The following CD300LG variants were observed in gnomAD, a reference collection of about 807,000 sequenced individuals.
CD300LG encodes the protein CD300 molecule like family member g.
In CD300LG, 29 loss-of-function variants were observed where a neutral mutation model predicts 31.5. That is an observed-to-expected ratio of 0.92 (90% confidence interval 0.68 to 1.25). CD300LG has a LOEUF of 1.25. Ranked by LOEUF, CD300LG falls within the 50% of genes most tolerant of loss-of-function variation. The pLI is 0.00. For synonymous variants in CD300LG, 175 were observed against 177.2 expected (o/e 0.99, Z 0.10); for missense variants, 396 against 417.6 (o/e 0.95, Z 0.45).
intron 4 of CD300LG, 41 bp from the exon 5 acceptor site, chr17:43,855,166 A>G: frequency 6.4e-6 from 9 of 1,407,574 alleles, no homozygotes; most frequent in Non-Finnish European, 8.7e-6. Flanking sequence ...ACTCTGGCTT[A>G]TCTGGTAACA....
Position 43,853,824 on chromosome 17 carries a change from C to G in CD300LG, c.499C>G (p.Pro167Ala). The G allele has an allele frequency of 6.2e-7, 1 of 1,613,846 alleles. No homozygotes were observed. The highest frequency in any genetic ancestry group is 8.5e-7 in the Non-Finnish European group (1 of 1,179,858). Residue 167 changes from proline to alanine, a missense_variant, in exon 4 of 7, where the codon CCG becomes GCG. Physicochemically the swap from Pro to Ala is conservative, Grantham distance 27. Transcript: ENST00000317310. The part of the protein sequence containing the change: ...PPGLTSPGLY[P>A]AATTAKQGKT... ...ACTTGTAGCTTCTCCTGGGCTCTAC[C>G]CGGCAGCCACCACAGCCAAGCAGGG...
chr17:43,848,890 C>A lies in CD300LG; in HGVS notation c.376C>A (p.Pro126Thr). 1 of 1,606,174 alleles carries A rather than the reference C, an allele frequency of 6.2e-7. No individual in the cohort carries two copies. The highest frequency in any genetic ancestry group is 8.5e-7 in the Non-Finnish European group (1 of 1,173,390). ...ESLLISLFVF[P>T]GPCCPPSPSP... ...TTTACTGATCTCTCTGTTCGTCTTT[C>A]CAGGTAACAGATATCTCTCCTTCCC... Residue 126 changes from proline (P) to threonine (T), a missense_variant, in exon 2 of 7, where the codon CCA (proline) becomes ACA (threonine). By Grantham distance (38) the Pro-to-Thr change is conservative (BLOSUM62 -1). Transcript: ENST00000317310.
intron 6 of CD300LG, 142 bp downstream of exon 6, chr17:43,857,298 A>G: frequency 7.0e-7 from 1 of 1,430,548 alleles, no homozygotes; most frequent in Non-Finnish European, 9.6e-7. Context: ...CCTTGGAGGA[A>G]TGTGTGTGAG....
chr17:43,856,904 C>T (rs747642845), intron 5 of CD300LG, among the ~76,000 whole-genome samples, 200 bp from the exon 6 acceptor site: 2 of 152,218 alleles, frequency 1.3e-5, no homozygotes, highest in Non-Finnish European at 2.9e-5. Context: ...AGATAATCTC[C>T]ATGCACTGAT....
rs375677756 is a variant in CD300LG at position 43,853,771 on chromosome 17, A to G, written c.482-36A>G. On this transcript the variant is annotated intron_variant, in intron 3 of 6. Transcript: ENST00000317310. The stretch of plus-strand genomic sequence containing the variant: ...TCAGGGATGCTGGGATGCAAGGGTC[A>G]GGAAGGATGCTGAGGCATTGCTTTT... 3.9e-6 allele frequency: 6 copies of G among 1,548,698 alleles called. No individual in the cohort carries two copies. The African/African-American group carries it at 8.2e-5, about 21-fold the overall frequency.
At chr17:43,858,204 T>C (rs1328761394) in intron 6 of CD300LG, 3 of 1,126,490 alleles carry the variant, frequency 2.7e-6, no homozygotes, top group Non-Finnish European at 3.3e-6. Flanking sequence ...GACTTTGGGC[T>C]GTGGCTTAGG....
At chr17:43,857,654 A>C in intron 6 of CD300LG, 2 of 1,180,962 alleles carry the variant, frequency 1.7e-6, no homozygotes, top group Non-Finnish European at 2.4e-6. Context: ...CAGTGCTACA[A>C]ACTCTAGTGT....
chr17:43,848,830 T>A lies in CD300LG; in HGVS notation c.316T>A (p.Trp106Arg). ...NLTLQDAGEY[W>R]CGVEKRGPDE... ...CACCCTGCAAGACGCTGGGGAGTAC[T>A]GGTGTGGGGTCGAAAAACGGGGCCC... Residue 106 changes from tryptophan (W) to arginine (R), a missense_variant, in exon 2 of 7, where the codon TGG becomes AGG. Coordinates refer to ENST00000317310, the MANE Select transcript of CD300LG (RefSeq NM_145273.4). 1 of 1,614,060 alleles carries A rather than the reference T, an allele frequency of 6.2e-7. No individual in the cohort carries two copies. Among genetic ancestry groups the A allele is most frequent in the Non-Finnish European group, 8.5e-7 (1 of 1,180,006 alleles).
At chr17:43,855,552 G>C (rs1244111270) in intron 5 of CD300LG, 8 of 427,084 alleles carry the variant, frequency 1.9e-5, no homozygotes, top group Non-Finnish European at 2.9e-5. Context: ...GCTTCTTCCT[G>C]CCTGTCTAAA....
intron 2 of CD300LG, chr17:43,849,192 T>A (rs978429477): frequency 1.9e-6 from 1 of 536,852 alleles, no homozygotes; most frequent in Admixed American, 3.4e-5. Flanking sequence ...GGAGGGAGAT[T>A]TCCATAGGCT....
At chr17:43,855,524 G>A (rs1023163822) in intron 5 of CD300LG, 7 of 460,696 alleles carry the variant, frequency 1.5e-5, no homozygotes, top group African/African-American at 1.2e-4. Flanking sequence ...GGGGAAATGG[G>A]AGAATGAAGG....
rs1231265686 is a variant in CD300LG at position 43,853,019 on chromosome 17, T to A, written c.481+6T>A. 4 of 1,605,444 alleles carry A rather than the reference T, an allele frequency of 2.5e-6. No individual in the cohort carries two copies. In the South Asian group the frequency reaches 4.5e-5, roughly 18 times the overall value. ...AACCCAGCCCCCAGGATTGAGTGAG[T>A]GAATGGCAATTCCGCCCCTTCCCTT... On this transcript the variant is annotated splice_donor_region_variant and intron_variant, in intron 3 of 6. Coordinates refer to ENST00000317310, the MANE Select transcript of CD300LG (RefSeq NM_145273.4).
At chr17:43,861,089 C>T in intron 6 of CD300LG, 1 of 985,284 alleles carries the variant, frequency 1.0e-6, no homozygotes, top group African/African-American at 1.7e-5. Context: ...AGCAGACCAT[C>T]CCTGCTGCCA....
At chr17:43,851,058 C>T (rs976036958) in intron 2 of CD300LG, among the ~76,000 whole-genome samples, 3 of 144,504 alleles carry the variant, frequency 2.1e-5, no homozygotes, top group African/African-American at 5.2e-5. Flanking sequence ...TGCTTCAACC[C>T]GGGAGGCGGA....
At chr17:43,852,414 G>A (rs746763221) in intron 2 of CD300LG, among the ~76,000 whole-genome samples, 2 of 152,026 alleles carry the variant, frequency 1.3e-5, no homozygotes, top group African/African-American at 2.4e-5. Context: ...GGGTTTCACC[G>A]TGTTGGCCAG....
At chr17:43,847,281 G>C (rs71383000) in intron 1 of CD300LG, 22 bp downstream of exon 1, 2 of 1,613,362 alleles carry the variant, frequency 1.2e-6, no homozygotes, top group Non-Finnish European at 1.7e-6. Flanking sequence ...AGAGGGTCTC[G>C]GGAGGGATGT....
At chr17:43,852,881 C>T (rs1243860018) in intron 2 of CD300LG, 31 bp from the exon 3 acceptor site, 1 of 1,564,366 alleles carries the variant, frequency 6.4e-7, no homozygotes, top group Non-Finnish European at 8.8e-7. Flanking sequence ...AGCGGTGCCA[C>T]CCCTGAGAGC....
intron 2 of CD300LG, among the ~76,000 whole-genome samples, chr17:43,851,732 A>G (rs1272158842): frequency 7.9e-6 from 1 of 125,886 alleles, no homozygotes; most frequent in Non-Finnish European, 1.6e-5. Flanking sequence ...AATTTTTTGT[A>G]TTTTTAGTAG....
At chr17:43,857,489 C>T (rs1158385409) in intron 6 of CD300LG, 1 of 1,530,044 alleles carries the variant, frequency 6.5e-7, no homozygotes, top group Non-Finnish European at 8.8e-7. Flanking sequence ...GAGCTGGATC[C>T]AGATGAAGCC....
Sources: gnomAD v4.1 joint callset for allele counts (sites outside exome capture counted in the v4.1 genomes callset) on GRCh38, gnomAD v4.1.1 for gene constraint, MANE v1.5 for transcripts, NCBI Gene and HGNC (gene_info 2026-07-23, HGNC 2026-07-21) for gene names.